SAMD14: variants seen among roughly 807,000 people sequenced by gnomAD.
The protein encoded by SAMD14 is sterile alpha motif domain containing 14.
SAMD14 carries 27 observed loss-of-function variants against 46.2 expected under a neutral mutation model. The ratio of observed to expected loss-of-function variants is 0.58; its 90% confidence interval spans 0.43 to 0.81. The LOEUF is 0.81. Ranked by LOEUF, SAMD14 falls within the 30% of genes least tolerant of loss-of-function variation. The pLI, the probability that SAMD14 is intolerant of heterozygous loss-of-function variation, is 0.00. For synonymous variants in SAMD14, 241 were observed against 254.3 expected, an observed-to-expected ratio of 0.95 and a Z score of 0.50; for missense variants, 559 against 582.2, an observed-to-expected ratio of 0.96 and a Z score of 0.41.
chr17:50,118,373 A>G, intron 2 of SAMD14, 46 bp from the exon 3 acceptor site: 1 of 1,599,022 alleles, frequency 6.3e-7, no homozygotes, highest in Non-Finnish European at 8.5e-7. Flanking sequence ...ATGAGAGGTG[A>G]CGGCAAGCCC....
Position 50,115,971 on chromosome 17 carries a change from A to G in SAMD14, c.587+32T>C. On this transcript the variant is annotated intron_variant, in intron 5 of 9. Coordinates refer to ENST00000330175, the MANE Select transcript of SAMD14 (RefSeq NM_001257359.2). This position sits in a 1 kb window ranked among gnomAD's most constrained non-coding sequence, Gnocchi z 5.3. ...TGCTACCCCTTACCCCAGCAGCTCC[A>G]AGCCCTGCGATCTAGCCCCGCCTCC... 1 of 1,613,740 alleles carries G rather than the reference A, an allele frequency of 6.2e-7. No homozygotes were observed. Among genetic ancestry groups the G allele is most frequent in the Non-Finnish European group, 8.5e-7 (1 of 1,179,780 alleles).
intron 2 of SAMD14, among the ~76,000 whole-genome samples, chr17:50,119,029 C>T (rs146243884): frequency 1.5e-4 from 23 of 152,316 alleles, no homozygotes; most frequent in African/African-American, 4.8e-4. Context: ...TGCTGTGCCA[C>T]GCGCAGGGTC....
chr17:50,115,653 C>A lies in SAMD14; in HGVS notation c.733G>T (p.Gly245Cys). ...CTACCCGAGGATGCTGAGCCCTTGC[C>A]GCTGTCCGTGAACCAGGAAAAAGGC... The part of the protein sequence containing the change: ...FLPFSWFTDS[G>C]KGSASSGSTT... The change falls in exon 7 of 10, where the codon GGC becomes TGC. Residue 245 changes from glycine (G) to cysteine (C), a missense_variant. By Grantham distance (159) the Gly-to-Cys change is radical. Coordinates refer to ENST00000330175, the MANE Select transcript of SAMD14 (RefSeq NM_001257359.2). The surrounding 1 kb of genome is among the most constrained non-coding windows in gnomAD (Gnocchi z 5.3). 1 of 1,608,488 alleles carries A rather than the reference C, an allele frequency of 6.2e-7. No individual in the cohort carries two copies. The highest frequency in any genetic ancestry group is 8.5e-7 in the Non-Finnish European group (1 of 1,176,462).
chr17:50,117,704 G>T lies in SAMD14; in HGVS notation c.211-9C>A, dbSNP rs1396443700. On this transcript the variant is annotated splice_polypyrimidine_tract_variant and intron_variant, in intron 3 of 9. Transcript: ENST00000330175. ...CCGCAGCCATCGGTCACCTGGACGA[G>T]GGGGCAGCCGCTCACCGAGAACCCT... 18 of 1,430,860 alleles carry T rather than the reference G, an allele frequency of 1.3e-5. No homozygotes were observed. The highest frequency in any genetic ancestry group is 1.6e-5 in the Non-Finnish European group (18 of 1,098,120). The allele number at this position is 1,430,860 out of a possible 1,614,324, so 88.6% of individuals were successfully genotyped here.
In SAMD14 at chr17:50,110,401, G is replaced by T. The variant is rs1399689282; in HGVS notation, c.*2492C>A. ...TGGCAGTCCTCCTCTCTGAGACCAGGGCTGTCACTTTTCTGCCAGGGGTAC... is the reference window on the plus strand; with the variant it reads ...TGGCAGTCCTCCTCTCTGAGACCAGTGCTGTCACTTTTCTGCCAGGGGTAC... On this transcript the variant is annotated 3_prime_UTR_variant, in exon 10 of 10. Transcript: ENST00000330175. The T allele has an allele frequency of 4.1e-6, 1 of 246,338 alleles. No individual in the cohort carries two copies. The allele number at this position is 246,338 out of a possible 1,614,324, so 15.3% of individuals were successfully genotyped here. A position where few individuals can be genotyped will look rare whatever the true frequency, so the allele number is the denominator to read the frequency against.
Position 50,112,627 on chromosome 17 carries a change from T to C in SAMD14, c.*266A>G. ...CCTCAGCCCTGGCCTCTCTGCCCTC[T>C]CCCCTTCATCTGCTCCTCCCCCAGG... On this transcript the variant is annotated 3_prime_UTR_variant, in exon 10 of 10. Transcript: ENST00000330175. 5.4e-6 allele frequency: 2 copies of C among 370,236 alleles called. No individual in the cohort carries two copies. The highest frequency in any genetic ancestry group is 4.7e-5 in the South Asian group (1 of 21,226). 22.9% of individuals were successfully genotyped at this position (370,236 alleles called of 1,614,324 possible).
At chr17:50,124,881 G>T (rs754570260) in intron 2 of SAMD14, 36 bp downstream of exon 2, 5 of 1,608,956 alleles carry the variant, frequency 3.1e-6, no homozygotes, top group Non-Finnish European at 4.3e-6. Context: ...CTATGGCTGT[G>T]TCTATTGGCT....
chr17:50,124,769 G>GCACA lies in SAMD14; in HGVS notation c.43+147_43+148insTGTG, dbSNP rs779175185. 469 of 476,412 alleles carry GCACA rather than the reference G, an allele frequency of 9.8e-4. 1 individual carries two copies. Among genetic ancestry groups the GCACA allele is most frequent in the East Asian group, 4.3e-3 (96 of 22,254 alleles). The allele number at this position is 476,412 out of a possible 1,614,324, so 29.5% of individuals were successfully genotyped here. ...AATACCTGCACGCGTGCACGCGCGC[G>GCACA]CGCACACACACACACACACACACAC... is the stretch of plus-strand genomic sequence containing the variant. On this transcript the variant is annotated intron_variant, in intron 2 of 9. Coordinates refer to ENST00000330175, the MANE Select transcript of SAMD14 (RefSeq NM_001257359.2).
chr17:50,120,763 C>A (rs1317305977), intron 2 of SAMD14, among the ~76,000 whole-genome samples: 1 of 152,180 alleles, frequency 6.6e-6, no homozygotes, highest in Non-Finnish European at 1.5e-5. Context: ...CCTTTTTCTG[C>A]AAGGCTCTTT....
At chr17:50,114,337 A>G (rs1911058578) in intron 7 of SAMD14, 31 bp from the exon 8 acceptor site, 1 of 1,613,776 alleles carries the variant, frequency 6.2e-7, no homozygotes, top group African/African-American at 1.3e-5. Flanking sequence ...GCCACTGAGG[A>G]GAGTTCACCC....
chr17:50,110,200 C>A lies in SAMD14; in HGVS notation c.*2693G>T, dbSNP rs1408873778. On this transcript the variant is annotated 3_prime_UTR_variant, in exon 10 of 10. Coordinates refer to ENST00000330175, the MANE Select transcript of SAMD14 (RefSeq NM_001257359.2). ...CCTGGGGGAGCAGGGGGTGGGTTCT[C>A]CCTGATGACCAGGTTCTGTCTCTAT... 3.1e-6 allele frequency: 4 copies of A among 1,274,928 alleles called. No individual in the cohort carries two copies. The highest frequency in any genetic ancestry group is 4.2e-6 in the Non-Finnish European group (4 of 942,426). The allele number at this position is 1,274,928 out of a possible 1,614,324, so 79.0% of individuals were successfully genotyped here.
rs1339663997 is a variant in SAMD14 at position 50,112,013 on chromosome 17, C to G, written c.*880G>C. 1 of 152,296 alleles carries G rather than the reference C, an allele frequency of 6.6e-6. No individual in the cohort carries two copies. The highest frequency in any genetic ancestry group is 2.4e-5 in the African/African-American group (1 of 41,414). 9.4% of individuals were successfully genotyped at this position (152,296 alleles called of 1,614,324 possible). A position where few individuals can be genotyped will look rare whatever the true frequency, so the allele number is the denominator to read the frequency against. On this transcript the variant is annotated 3_prime_UTR_variant, in exon 10 of 10. Transcript: ENST00000330175. ...TGAGGGCTGACCAGGTCAGCAGCTC[C>G]TAGGCCTTGGCTGGTGGAAGTGGTG... is the stretch of plus-strand genomic sequence containing the variant.
chr17:50,115,930 G>C lies in SAMD14; in HGVS notation c.588-26C>G. 6.2e-7 allele frequency: 1 copy of C among 1,612,932 alleles called. No individual in the cohort carries two copies. The highest frequency in any genetic ancestry group is 8.5e-7 in the Non-Finnish European group (1 of 1,179,500). ...CTGTGGGGAGGCAGCAGGAAGTGGG[G>C]CAGGGCTGCCCACTGTGCTACCCCT... On this transcript the variant is annotated intron_variant, in intron 5 of 9. Coordinates refer to ENST00000330175, the MANE Select transcript of SAMD14 (RefSeq NM_001257359.2). The surrounding 1 kb of genome is among the most constrained non-coding windows in gnomAD (Gnocchi z 5.3).
chr17:50,110,114 G>A lies in SAMD14; in HGVS notation c.*2779C>T. 6.3e-7 allele frequency: 1 copy of A among 1,579,190 alleles called. No individual in the cohort carries two copies. Among genetic ancestry groups the A allele is most frequent in the Non-Finnish European group, 8.6e-7 (1 of 1,158,034 alleles). ...GTCAGCTAAGGGCCGCCGTGCATCT[G>A]CACCTGAGAGGACGGACTGCCGCCT... is the stretch of plus-strand genomic sequence containing the variant. On this transcript the variant is annotated 3_prime_UTR_variant, in exon 10 of 10. Transcript: ENST00000330175.
chr17:50,115,670 GA>G lies in SAMD14; in HGVS notation c.715del (p.Ser239ProfsTer40). 1.2e-6 allele frequency: 2 copies of G among 1,608,630 alleles called. No individual in the cohort carries two copies. Among genetic ancestry groups the G allele is most frequent in the Non-Finnish European group, 1.7e-6 (2 of 1,176,546 alleles). On this transcript the variant is annotated frameshift_variant, in exon 7 of 10. Coordinates refer to ENST00000330175, the MANE Select transcript of SAMD14 (RefSeq NM_001257359.2). LOFTEE classifies it high-confidence loss of function. This position sits in a 1 kb window ranked among gnomAD's most constrained non-coding sequence, Gnocchi z 5.3. The stretch of plus-strand genomic sequence containing the variant: ...GCCCTTGCCGCTGTCCGTGAACCAG[GA>G]AAAAGGCAGGAACGGGGAGCCCCCT... ...RSGGSPFLPF[S>X]WFTDSGKGSA... is the part of the protein sequence containing the mutation.
chr17:50,112,818 A>G lies in SAMD14; in HGVS notation c.*75T>C. On this transcript the variant is annotated 3_prime_UTR_variant, in exon 10 of 10. Coordinates refer to ENST00000330175, the MANE Select transcript of SAMD14 (RefSeq NM_001257359.2). The stretch of plus-strand genomic sequence containing the variant: ...TAGCCCAAGTGCAGCGCCCAGGTCC[A>G]GCCTCCCTGGTGAGGCCTGTGCCCG... 1 of 1,510,212 alleles carries G rather than the reference A, an allele frequency of 6.6e-7. No homozygotes were observed. The highest frequency in any genetic ancestry group is 8.9e-7 in the Non-Finnish European group (1 of 1,125,472). The allele number at this position is 1,510,212 out of a possible 1,614,324, so 93.6% of individuals were successfully genotyped here.
intron 9 of SAMD14, chr17:50,113,705 TAG>T (rs1911003036): frequency 1.7e-6 from 1 of 583,850 alleles, no homozygotes; most frequent in African/African-American, 1.9e-5. Flanking sequence ...AGTCATGGAC[TAG>T]AGTTTCAAGT....
In SAMD14 at chr17:50,116,104, G is replaced by A. The variant is rs1225517284; in HGVS notation, c.500-14C>T. On this transcript the variant is annotated splice_polypyrimidine_tract_variant and intron_variant, in intron 4 of 9. Coordinates refer to ENST00000330175, the MANE Select transcript of SAMD14 (RefSeq NM_001257359.2). ...CACGGCTGTCATCTTTCCAGGGAGA[G>A]AAGGAAGGAAACTGCCTGTTTGCTG... 1 of 1,607,826 alleles carries A rather than the reference G, an allele frequency of 6.2e-7. No homozygotes were observed. The highest frequency in any genetic ancestry group is 1.3e-5 in the African/African-American group (1 of 74,816).
chr17:50,110,291 T>A lies in SAMD14; in HGVS notation c.*2602A>T. On this transcript the variant is annotated 3_prime_UTR_variant, in exon 10 of 10. Transcript: ENST00000330175. ...GCCAGTCCATCTCTGTGGAGACCCC[T>A]CGGTGGCCTCCCTATCTCTGTGGGC... 2.1e-6 allele frequency: 1 copy of A among 486,034 alleles called. No individual in the cohort carries two copies. Among genetic ancestry groups the A allele is most frequent in the Non-Finnish European group, 3.4e-6 (1 of 291,536 alleles). 30.1% of individuals were successfully genotyped at this position (486,034 alleles called of 1,614,324 possible). A position where few individuals can be genotyped will look rare whatever the true frequency, so the allele number is the denominator to read the frequency against.
Sources: allele counts gnomAD v4.1 joint callset (sites outside exome capture counted in the v4.1 genomes callset), GRCh38; gene constraint gnomAD v4.1.1; non-coding constraint Gnocchi (gnomAD v3.1); transcripts MANE v1.5; gene names NCBI Gene and HGNC (gene_info 2026-07-23, HGNC 2026-07-21).